UPB1: variants seen among roughly 807,000 people sequenced by gnomAD.
UPB1 encodes the protein beta-ureidopropionase 1, also known as beta-ureidopropionase.
In UPB1, 40 loss-of-function variants were observed where a neutral mutation model predicts 49.1. The ratio of observed to expected loss-of-function variants is 0.81; its 90% CI spans 0.63 to 1.06. The LOEUF is 1.06. Ranked by LOEUF, UPB1 falls within the 50% of genes least tolerant of loss-of-function variation. The pLI is 0.00. For missense variants in UPB1, 499 were observed against 505.9 expected (o/e 0.99, Z 0.13); for synonymous variants, 207 against 198.2 (o/e 1.04, Z -0.38).
At position 24,527,226 on chromosome 22, in the gene UPB1, C is replaced by T. The variant is rs541404525; in HGVS notation, c.*1432C>T. The stretch of plus-strand genomic sequence containing the variant: ...CAAAAATTAGCTGGGCATGGTGGCG[C>T]ATGCCTATAATCCCAGCTACTCAGC... On this transcript the variant is annotated 3_prime_UTR_variant, in exon 10 of 10. Coordinates refer to ENST00000326010, the MANE Select transcript of UPB1 (RefSeq NM_016327.3). 2.6e-5 allele frequency: 4 copies of T among 152,376 alleles called. No individual in the cohort carries two copies. The South Asian group carries it at 6.2e-4, about 24-fold the overall frequency. 9.4% of individuals were successfully genotyped at this position (152,376 alleles called of 1,614,324 possible). A position where few individuals can be genotyped will look rare whatever the true frequency, so the allele number is the denominator to read the frequency against.
chr22:24,495,853 C>T (rs2043862222), intron 1 of UPB1, among the ~76,000 whole-genome samples: 1 of 151,598 alleles, frequency 6.6e-6, no homozygotes, highest in African/African-American at 2.4e-5. Flanking sequence ...CTGTCTCCAA[C>T]CAGAGCACCC....
intron 3 of UPB1, among the ~76,000 whole-genome samples, chr22:24,506,848 C>T (rs920392342): frequency 6.6e-6 from 1 of 152,122 alleles, no homozygotes; most frequent in Non-Finnish European, 1.5e-5. Flanking sequence ...TCTGGAACTC[C>T]CCCTCATTTA....
At chr22:24,500,329 C>T in intron 2 of UPB1, 51 bp downstream of exon 2, 2 of 1,609,632 alleles carry the variant, frequency 1.2e-6, no homozygotes, top group Non-Finnish European at 1.7e-6. Context: ...TGTGGCCTGC[C>T]CTTGGAGCAC....
In UPB1 at chr22:24,526,371, G is replaced by T. The variant is rs567851399; in HGVS notation, c.*577G>T. The T allele has an allele frequency of 5.3e-6, 1 of 189,920 alleles. No individual in the cohort carries two copies. The highest frequency in any genetic ancestry group is 1.1e-5 in the Non-Finnish European group (1 of 89,636). 11.8% of individuals were successfully genotyped at this position (189,920 alleles called of 1,614,324 possible). On this transcript the variant is annotated 3_prime_UTR_variant, in exon 10 of 10. Coordinates refer to ENST00000326010, the MANE Select transcript of UPB1 (RefSeq NM_016327.3). ...AAGTGAGATTATCTCAGATAATCTG[G>T]GTCAGCCTGACCTGATTAGTCAGAA...
intron 3 of UPB1, among the ~76,000 whole-genome samples, chr22:24,505,101 C>T (rs776231109): frequency 6.6e-5 from 10 of 151,994 alleles, no homozygotes; most frequent in South Asian, 2.1e-4. Context: ...AGTCAGCCCT[C>T]CTATTCAACC....
At chr22:24,521,226 A>C (rs1325181043) in intron 7 of UPB1, among the ~76,000 whole-genome samples, 1 of 149,754 alleles carries the variant, frequency 6.7e-6, no homozygotes, top group African/African-American at 2.5e-5. Flanking sequence ...TCATGCCTGT[A>C]ATCCCAGCAC....
intron 2 of UPB1, among the ~76,000 whole-genome samples, chr22:24,501,813 C>G (rs745557940): frequency 6.6e-6 from 1 of 152,100 alleles, no homozygotes; most frequent in Non-Finnish European, 1.5e-5. Flanking sequence ...TGGGTGTGAA[C>G]GTGGGCCCTG....
rs1490643930 is a variant in UPB1 at position 24,515,126 on chromosome 22, T to C, written c.622-75T>C. ...GTAACCACCTCTGGACTATTGGTGA[T>C]ATTTCAGTTTTTCTGCTGAGTCTAA... On this transcript the variant is annotated intron_variant, in intron 5 of 9. Transcript: ENST00000326010. 3.2e-6 allele frequency: 5 copies of C among 1,580,540 alleles called. No individual in the cohort carries two copies. In the East Asian group the frequency reaches 6.7e-5, roughly 21 times the overall value.
intron 1 of UPB1, among the ~76,000 whole-genome samples, chr22:24,497,293 G>A (rs1378624801): frequency 6.6e-6 from 1 of 152,204 alleles, no homozygotes; most frequent in East Asian, 1.9e-4. Flanking sequence ...TGGGACTAGG[G>A]GTGGGGTAGA....
intron 3 of UPB1, chr22:24,503,724 C>G (rs961256511): frequency 1.3e-5 from 2 of 152,284 alleles, no homozygotes. Context: ...ATTATGTGTA[C>G]TGCTAGTTGC....
chr22:24,517,710 C>T (rs1282704124), intron 6 of UPB1, among the ~76,000 whole-genome samples: 1 of 152,228 alleles, frequency 6.6e-6, no homozygotes, highest in African/African-American at 2.4e-5. Flanking sequence ...TTTCCTCAGC[C>T]AAGAATCATC....
intron 4 of UPB1, 123 bp downstream of exon 4, chr22:24,510,966 C>T: frequency 2.0e-6 from 2 of 1,009,588 alleles, no homozygotes; most frequent in South Asian, 1.3e-5. Flanking sequence ...CTTGTTTTGC[C>T]AGATAAGATT....
At chr22:24,497,359 C>T (rs573956604) in intron 1 of UPB1, among the ~76,000 whole-genome samples, 2 of 152,280 alleles carry the variant, frequency 1.3e-5, no homozygotes, top group East Asian at 3.9e-4. Context: ...TCACCCCCGC[C>T]ATGAGCACAT....
At chr22:24,504,053 C>A (rs995439855) in intron 3 of UPB1, among the ~76,000 whole-genome samples, 2 of 152,178 alleles carry the variant, frequency 1.3e-5, no homozygotes, top group African/African-American at 4.8e-5. Flanking sequence ...GTATGAGGGA[C>A]CCCCTGGTCA....
At chr22:24,515,453 G>A in intron 6 of UPB1, 83 bp downstream of exon 6, 1 of 1,591,370 alleles carries the variant, frequency 6.3e-7, no homozygotes, top group African/African-American at 1.3e-5. Context: ...CTCCAAGGTG[G>A]CAGCAGGCAG....
chr22:24,507,389 G>A (rs746949936), intron 3 of UPB1, among the ~76,000 whole-genome samples: 3 of 152,082 alleles, frequency 2.0e-5, no homozygotes, highest in Admixed American at 6.6e-5. Context: ...TGCCATTGGC[G>A]GGATATTTAC....
chr22:24,505,522 CTGA>C (rs1370391897), intron 3 of UPB1, among the ~76,000 whole-genome samples: 1 of 152,126 alleles, frequency 6.6e-6, no homozygotes, highest in African/African-American at 2.4e-5. Flanking sequence ...GTTCAGCATG[CTGA>C]TGTTTACTCA....
At chr22:24,507,037 C>A in intron 3 of UPB1, among the ~76,000 whole-genome samples, 1 of 152,188 alleles carries the variant, frequency 6.6e-6, no homozygotes, top group Non-Finnish European at 1.5e-5. Context: ...GAACCTCGTC[C>A]CCTCTAGTTG....
At chr22:24,500,683 C>A (rs1031181301) in intron 2 of UPB1, among the ~76,000 whole-genome samples, 1 of 152,302 alleles carries the variant, frequency 6.6e-6, no homozygotes, top group African/African-American at 2.4e-5. Context: ...ATCCTCAGGG[C>A]GGGGACTCGC....
Sources: allele counts gnomAD v4.1 joint callset (sites outside exome capture counted in the v4.1 genomes callset), GRCh38; gene constraint gnomAD v4.1.1; transcripts MANE v1.5; gene names NCBI Gene and HGNC (gene_info 2026-07-23, HGNC 2026-07-21).